Variants in RNPC3 observed in about 807,000 individuals in gnomAD.
RNPC3 encodes the protein RNA-binding region-containing protein 3.
RNPC3 carries 48 observed loss-of-function variants against 67.5 expected under a neutral mutation model. The observed-to-expected ratio is 0.71, with a 90% CI of 0.56 to 0.90. The LOEUF is 0.90. Among genes scored for constraint, RNPC3 ranks in the 40% least tolerant of loss-of-function variants. RNPC3 has a pLI of 0.00. For synonymous variants in RNPC3, 239 were observed against 210.3 expected (o/e 1.14, Z -1.18); for missense variants, 637 against 626.1 (o/e 1.02, Z -0.19).
chr1:103,548,952 G>A (rs546145861), intron 12 of RNPC3, among the ~76,000 whole-genome samples: 35 of 152,246 alleles, frequency 2.3e-4, no homozygotes, highest in African/African-American at 8.4e-4. Context: ...GAGAGCTCGT[G>A]CGGGCAAACT....
intron 10 of RNPC3, chr1:103,545,340 T>C: frequency 3.1e-6 from 1 of 320,006 alleles, no homozygotes; most frequent in Non-Finnish European, 5.7e-6. Context: ...AATTTTGTTT[T>C]CATTCCTAAA....
intron 11 of RNPC3, 150 bp downstream of exon 11, chr1:103,546,492 G>A (rs1017993293): frequency 2.4e-6 from 1 of 423,524 alleles, no homozygotes; most frequent in African/African-American, 2.1e-5. Context: ...GTATTTTCAG[G>A]TTAATTTTTT....
At chr1:103,539,955 C>T (rs566531644) in intron 7 of RNPC3, among the ~76,000 whole-genome samples, 6 of 152,212 alleles carry the variant, frequency 3.9e-5, no homozygotes, top group African/African-American at 1.2e-4. Context: ...TTCAACCTCC[C>T]GGGCTCAAGC....
intron 14 of RNPC3, chr1:103,554,289 G>A (rs1423744200): frequency 6.6e-6 from 1 of 152,230 alleles, no homozygotes; most frequent in Non-Finnish European, 1.5e-5. Flanking sequence ...CAGAGGTTGA[G>A]GTTGCAGTGA....
At chr1:103,533,121 A>T (rs1359905711) in intron 2 of RNPC3, among the ~76,000 whole-genome samples, 1 of 151,976 alleles carries the variant, frequency 6.6e-6, no homozygotes, top group South Asian at 2.1e-4. Flanking sequence ...GAGAGGATGG[A>T]ATTTAGTATA....
rs561146567 is a variant in RNPC3, at chr1:103,533,230, T to A, written c.241-509T>A. On this transcript the variant is annotated intron_variant, in intron 2 of 14. Coordinates refer to ENST00000423855, the MANE Select transcript of RNPC3 (RefSeq NM_017619.4). ...TAGATGGGGGGTTATAGTGGGAGTC[T>A]GATATTCTCATGTCATCAATTCTGT... 6.6e-5 allele frequency among the ~76,000 whole-genome samples: 10 copies of A among 152,194 alleles called. No homozygotes were observed. In the East Asian group the frequency reaches 1.7e-3, roughly 26 times the overall value.
intron 12 of RNPC3, among the ~76,000 whole-genome samples, chr1:103,549,060 T>C (rs1284763680): frequency 6.6e-6 from 1 of 152,154 alleles, no homozygotes; most frequent in Non-Finnish European, 1.5e-5. Flanking sequence ...TTTCACAGCG[T>C]TCCTCCCATG....
chr1:103,537,547 G>C (rs10736038), intron 7 of RNPC3, 63 bp downstream of exon 7: 842,497 of 1,346,590 alleles, frequency 0.63, 266,652 homozygotes, highest in Middle Eastern at 0.73. Flanking sequence ...AGAGACTCTT[G>C]CTCTCCCTAG....
intron 12 of RNPC3, among the ~76,000 whole-genome samples, chr1:103,547,789 G>A (rs1445189818): frequency 2.0e-5 from 3 of 152,226 alleles, no homozygotes; most frequent in Non-Finnish European, 4.4e-5. Context: ...ACTGCTGATA[G>A]ACATACCCGA....
At chr1:103,537,841 T>A (rs944523913) in intron 7 of RNPC3, among the ~76,000 whole-genome samples, 3 of 151,914 alleles carry the variant, frequency 2.0e-5, no homozygotes, top group Admixed American at 6.6e-5. Context: ...TTATTTATTA[T>A]TATTATTATT....
intron 10 of RNPC3, 120 bp from the exon 11 acceptor site, chr1:103,546,128 T>C (rs946285915): frequency 4.5e-6 from 2 of 445,062 alleles, no homozygotes; most frequent in African/African-American, 4.1e-5. Context: ...GTGAAAATTT[T>C]AACATTTTCA....
chr1:103,550,120 C>T (rs540057247), intron 12 of RNPC3, among the ~76,000 whole-genome samples: 16 of 151,998 alleles, frequency 1.1e-4, no homozygotes, highest in East Asian at 9.7e-4. Flanking sequence ...GCCAAGATCA[C>T]GCCACTGCAC....
intron 8 of RNPC3, 31 bp downstream of exon 8, chr1:103,541,506 T>G: frequency 1.4e-6 from 2 of 1,467,520 alleles, no homozygotes; most frequent in Non-Finnish European, 1.8e-6. Flanking sequence ...AAATGAGGGT[T>G]GTCTGTATGT....
chr1:103,548,609 CA>C (rs1239553729), intron 12 of RNPC3, among the ~76,000 whole-genome samples: 1 of 152,182 alleles, frequency 6.6e-6, no homozygotes, highest in Non-Finnish European at 1.5e-5. Context: ...CAAAGCCATT[CA>C]ACAAGTCTAG....
chr1:103,526,117 G>A lies in RNPC3; in HGVS notation c.47G>A (p.Ser16Asn). 6.4e-7 allele frequency: 1 copy of A among 1,550,916 alleles called. No individual in the cohort carries two copies. Among genetic ancestry groups the A allele is most frequent in the Non-Finnish European group, 8.7e-7 (1 of 1,146,514 alleles). The change falls in exon 1 of 15, where the codon AGC (serine) becomes AAC (asparagine). Residue 16 changes from serine to asparagine, a missense_variant. Physicochemically the swap from Ser to Asn is conservative, Grantham distance 46. Around this residue, in one of 3 missense-constraint regions of RNPC3, gnomAD observed 536 missense variants for 500.3 expected, o/e 1.07. Coordinates refer to ENST00000423855, the MANE Select transcript of RNPC3 (RefSeq NM_017619.4). ...CTTGCGATATCAAGGGGATGCACGAGCTCCTCCTCGCTTTCCCCGCCTCGG... is the reference window on the plus strand; with the variant it reads ...CTTGCGATATCAAGGGGATGCACGAACTCCTCCTCGCTTTCCCCGCCTCGG... ...QPLAISRGCT[S>N]SSSLSPPRGD...
At chr1:103,547,791 C>G (rs1165504162) in intron 12 of RNPC3, among the ~76,000 whole-genome samples, 2 of 152,198 alleles carry the variant, frequency 1.3e-5, no homozygotes, top group Non-Finnish European at 2.9e-5. Context: ...TGCTGATAGA[C>G]ATACCCGAGA....
At chr1:103,533,031 C>T (rs1216709058) in intron 2 of RNPC3, among the ~76,000 whole-genome samples, 1 of 151,888 alleles carries the variant, frequency 6.6e-6, no homozygotes, top group Non-Finnish European at 1.5e-5. Flanking sequence ...AGTAAATTAA[C>T]AGTATAAATA....
rs1651169233 is a variant in RNPC3, at chr1:103,543,339, C to A, written c.937C>A (p.Pro313Thr). ...VLLPSDVFDQPQPVGNKRIEF... is the reference protein window; with the variant it reads ...VLLPSDVFDQTQPVGNKRIEF... ...GTTACCTTCAGATGTATTTGACCAA[C>A]CACAACCTGTAGGTAACAAAAGAAT... Residue 313 changes from proline to threonine, a missense_variant, in exon 9 of 15, where the codon CCA (proline) becomes ACA (threonine). This residue lies in a region of RNPC3 where 536 missense variants were observed against 500.3 expected (regional missense o/e 1.07). Transcript: ENST00000423855. 6.6e-7 allele frequency: 1 copy of A among 1,508,504 alleles called. No individual in the cohort carries two copies. Among genetic ancestry groups the A allele is most frequent in the Non-Finnish European group, 8.8e-7 (1 of 1,134,426 alleles). 93.4% of individuals were successfully genotyped at this position (1,508,504 alleles called of 1,614,324 possible). A position where few individuals can be genotyped will look rare whatever the true frequency, so the allele number is the denominator to read the frequency against.
At position 103,537,343 on chromosome 1, in the gene RNPC3, A is replaced by T; in HGVS notation, c.626A>T (p.Tyr209Phe). 6.5e-7 allele frequency: 1 copy of T among 1,530,404 alleles called. No individual in the cohort carries two copies. The highest frequency in any genetic ancestry group is 1.4e-5 in the African/African-American group (1 of 72,654). 94.8% of individuals were successfully genotyped at this position (1,530,404 alleles called of 1,614,324 possible). The change falls in exon 7 of 15, where the codon TAT (tyrosine) becomes TTT (phenylalanine). Residue 209 changes from tyrosine (Y) to phenylalanine (F), a missense_variant and splice_region_variant. Transcript: ENST00000423855. ...FGPITARPPM[Y>F]EDYMPLHAPL... ...TTTTTGTTTTATTCTTTTAATTAGTATGAAGACTATATGCCATTGCATGCA... is the reference window on the plus strand; with the variant it reads ...TTTTTGTTTTATTCTTTTAATTAGTTTGAAGACTATATGCCATTGCATGCA...
Sources: allele counts gnomAD v4.1 joint callset (sites outside exome capture counted in the v4.1 genomes callset), GRCh38; gene constraint gnomAD v4.1.1; regional missense constraint gnomAD v4.1.1; transcripts MANE v1.5; gene names NCBI Gene and HGNC (gene_info 2026-07-23, HGNC 2026-07-21).